ZYG11B: variants seen among roughly 807,000 people sequenced by gnomAD.
ZYG11B encodes the protein protein zyg-11 homolog B.
ZYG11B carries 36 observed loss-of-function variants against 82.4 expected under a neutral mutation model. The observed-to-expected ratio is 0.44, with a 90% CI of 0.33 to 0.58. The LOEUF is 0.58. Among genes scored for constraint, ZYG11B ranks in the 20% least tolerant of loss-of-function variants. The pLI is 0.02. For synonymous variants in ZYG11B, 303 were observed against 312.8 expected (o/e 0.97, Z 0.33); for missense variants, 552 against 895.6 (o/e 0.62, Z 4.90).
chr1:52,787,227 A>G (rs1644920568), intron 5 of ZYG11B, among the ~76,000 whole-genome samples: 1 of 152,232 alleles, frequency 6.6e-6, no homozygotes, highest in South Asian at 2.1e-4. Context: ...ATGATGAATG[A>G]ATTACAATTC....
intron 10 of ZYG11B, among the ~76,000 whole-genome samples, chr1:52,811,475 T>C (rs1645182264): frequency 6.6e-6 from 1 of 152,156 alleles, no homozygotes. Flanking sequence ...CTATTTCTTT[T>C]TGTGTGTGTG....
chr1:52,803,385 T>C (rs1571794177), intron 10 of ZYG11B, among the ~76,000 whole-genome samples: 1 of 137,812 alleles, frequency 7.3e-6, no homozygotes, highest in South Asian at 2.3e-4. Context: ...TGCAGTGAGC[T>C]GAGACCACGC....
At chr1:52,756,365 T>C in intron 1 of ZYG11B, 93 bp from the exon 2 acceptor site, 1 of 1,227,390 alleles carries the variant, frequency 8.1e-7, no homozygotes, top group Non-Finnish European at 1.2e-6. Flanking sequence ...GAAATACTTG[T>C]GAAATGAGTA....
chr1:52,748,952 G>T (rs1051781277), intron 1 of ZYG11B, among the ~76,000 whole-genome samples: 1 of 151,134 alleles, frequency 6.6e-6, no homozygotes, highest in African/African-American at 2.4e-5. Context: ...TGTAATCCCA[G>T]CACTTTGGGA....
Position 52,787,005 on chromosome 1 carries a change from G to T in ZYG11B, c.1269+1952G>T, listed in dbSNP as rs528172165. On this transcript the variant is annotated intron_variant, in intron 5 of 13. Coordinates refer to ENST00000294353, the MANE Select transcript of ZYG11B (RefSeq NM_024646.3). The stretch of plus-strand genomic sequence containing the variant: ...CTCGGGAGGCTGAGGCAGGAGAATC[G>T]CTTGAACCCGGGAGGGGGAGGTTGC... Among the ~76,000 whole-genome samples, 9 of 152,070 alleles carry T rather than the reference G, an allele frequency of 5.9e-5. No individual in the cohort carries two copies. In the East Asian group the frequency reaches 1.7e-3, roughly 29 times the overall value.
chr1:52,795,863 T>A (rs1645002365), intron 6 of ZYG11B, among the ~76,000 whole-genome samples: 1 of 152,178 alleles, frequency 6.6e-6, no homozygotes, highest in South Asian at 2.1e-4. Flanking sequence ...CACTATTCTA[T>A]CTCCAGCACT....
intron 13 of ZYG11B, among the ~76,000 whole-genome samples, chr1:52,820,817 G>T (rs988348206): frequency 1.3e-5 from 2 of 151,656 alleles, no homozygotes; most frequent in Non-Finnish European, 2.9e-5. Flanking sequence ...CATAGTAAAT[G>T]CAGCCTGGCA....
intron 1 of ZYG11B, among the ~76,000 whole-genome samples, chr1:52,746,244 A>G (rs1398921027): frequency 6.6e-6 from 1 of 152,170 alleles, no homozygotes; most frequent in East Asian, 1.9e-4. Flanking sequence ...GAGCCACCGC[A>G]CCTGGCGAAT....
chr1:52,803,099 CATATATATATATATATAT>C (rs1165271089), intron 10 of ZYG11B, among the ~76,000 whole-genome samples: 155 of 10,794 alleles, frequency 0.014, 6 homozygotes, highest in African/African-American at 0.045. Flanking sequence ...TATATATATA[CATATATATATATATATAT>C]ACACACATAT....
In ZYG11B at chr1:52,735,037, T is replaced by TC. The variant is rs553612208; in HGVS notation, c.30+8354_30+8355insC. Among the ~76,000 whole-genome samples the TC allele has an allele frequency of 5.4e-3, 767 of 142,406 alleles. 9 individuals are homozygous for TC. Among genetic ancestry groups the TC allele is most frequent in the African/African-American group, 0.019 (739 of 39,478 alleles). 93.4% of individuals were successfully genotyped at this position (142,406 alleles called of 152,430 possible). On this transcript the variant is annotated intron_variant, in intron 1 of 13. Transcript: ENST00000294353. ...AGCCACTGCGCCCGGTCCAAATCAC[T>TC]TTTTTTTTTTTTGAGACGGAGTTTC...
At chr1:52,775,869 G>C (rs11581937) in intron 3 of ZYG11B, among the ~76,000 whole-genome samples, 1 of 151,770 alleles carries the variant, frequency 6.6e-6, no homozygotes, top group Non-Finnish European at 1.5e-5. Flanking sequence ...AATTTGAGCA[G>C]CCAGATGTGA....
intron 10 of ZYG11B, among the ~76,000 whole-genome samples, chr1:52,811,907 T>C (rs983460795): frequency 6.6e-6 from 1 of 152,054 alleles, no homozygotes; most frequent in African/African-American, 2.4e-5. Context: ...AGCGGTTGCC[T>C]GTAGCCCCAG....
chr1:52,809,177 C>T (rs891228295), intron 10 of ZYG11B, among the ~76,000 whole-genome samples: 3 of 151,586 alleles, frequency 2.0e-5, no homozygotes, highest in African/African-American at 7.3e-5. Context: ...TGGTAAACAA[C>T]GTAAAATTTA....
intron 6 of ZYG11B, among the ~76,000 whole-genome samples, chr1:52,790,341 A>G (rs1644945776): frequency 1.3e-5 from 2 of 152,200 alleles, no homozygotes. Context: ...AGCTATGAAC[A>G]TTATTATCCC....
chr1:52,810,182 C>A (rs913284179), intron 10 of ZYG11B, among the ~76,000 whole-genome samples: 1 of 152,108 alleles, frequency 6.6e-6, no homozygotes, highest in African/African-American at 2.4e-5. Flanking sequence ...GAAACAAGAC[C>A]TTCCTGAGGA....
At chr1:52,746,188 G>A (rs1260323462) in intron 1 of ZYG11B, among the ~76,000 whole-genome samples, 2 of 151,868 alleles carry the variant, frequency 1.3e-5, no homozygotes, top group South Asian at 2.1e-4. Flanking sequence ...TCTCGACCTC[G>A]TGATCCACCC....
chr1:52,803,187 T>G (rs188186983), intron 10 of ZYG11B, among the ~76,000 whole-genome samples: 1 of 78,326 alleles, frequency 1.3e-5, no homozygotes, highest in Non-Finnish European at 2.0e-5. Context: ...TATATATATA[T>G]ACACATATAT....
chr1:52,811,987 C>T (rs1203896249), intron 10 of ZYG11B, among the ~76,000 whole-genome samples: 7 of 151,700 alleles, frequency 4.6e-5, no homozygotes, highest in African/African-American at 1.7e-4. Flanking sequence ...GCTGAGATCG[C>T]GCCACTGCAC....
At position 52,826,607 on chromosome 1, in the gene ZYG11B, AAG is replaced by A. The variant is rs1468923314; in HGVS notation, c.*4982_*4983del. On this transcript the variant is annotated 3_prime_UTR_variant, in exon 14 of 14. Transcript: ENST00000294353. The stretch of plus-strand genomic sequence containing the variant: ...TTGTTAACTGACTGGTAGCCTAAGA[AAG>A]AGACTTTTCTTCCTGTTTTTCTCTC... 2 of 152,194 alleles carry A rather than the reference AAG, an allele frequency of 1.3e-5. No individual in the cohort carries two copies. The highest frequency in any genetic ancestry group is 2.4e-5 in the African/African-American group (1 of 41,458). 9.4% of individuals were successfully genotyped at this position (152,194 alleles called of 1,614,324 possible).
Sources: gnomAD v4.1 joint callset for allele counts (sites outside exome capture counted in the v4.1 genomes callset) on GRCh38, gnomAD v4.1.1 for gene constraint, MANE v1.5 for transcripts, NCBI Gene and HGNC (gene_info 2026-07-23, HGNC 2026-07-21) for gene names.